XPNPEP3: variants seen among roughly 807,000 people sequenced by gnomAD.
XPNPEP3 encodes the protein X-prolyl aminopeptidase 3.
Under a neutral mutation model 60.0 loss-of-function variants are expected in XPNPEP3, and 41 were observed. That is an observed-to-expected ratio of 0.68 (90% CI 0.53 to 0.89). The LOEUF is 0.89. Among genes scored for constraint, XPNPEP3 ranks in the 40% least tolerant of loss-of-function variants. The pLI is 0.00. For missense variants in XPNPEP3, 598 were observed against 638.9 expected (o/e 0.94, Z 0.69); for synonymous variants, 212 against 223.2 (o/e 0.95, Z 0.45).
At chr22:40,924,141 C>T (rs976932638) in intron 8 of XPNPEP3, among the ~76,000 whole-genome samples, 2 of 151,904 alleles carry the variant, frequency 1.3e-5, no homozygotes, top group Non-Finnish European at 2.9e-5. Flanking sequence ...TATTAAATAG[C>T]GGGAATGGAA....
At chr22:40,912,043 C>G (rs764734714) in intron 6 of XPNPEP3, among the ~76,000 whole-genome samples, 6 of 152,090 alleles carry the variant, frequency 3.9e-5, no homozygotes, top group Admixed American at 2.6e-4. Flanking sequence ...TTAGAAAATG[C>G]AAACAGTGCC....
intron 7 of XPNPEP3, among the ~76,000 whole-genome samples, chr22:40,918,334 A>G (rs2058204005): frequency 6.6e-6 from 1 of 152,190 alleles, no homozygotes; most frequent in African/African-American, 2.4e-5. Flanking sequence ...TGATCACATC[A>G]CTGTGCTCTA....
At chr22:40,890,504 A>C (rs1025527605) in intron 4 of XPNPEP3, among the ~76,000 whole-genome samples, 3 of 152,198 alleles carry the variant, frequency 2.0e-5, no homozygotes, top group Non-Finnish European at 4.4e-5. Flanking sequence ...GTGCCACTGC[A>C]CTCCAGCCTG....
intron 4 of XPNPEP3, among the ~76,000 whole-genome samples, chr22:40,889,941 C>T (rs1318084724): frequency 2.6e-5 from 4 of 152,192 alleles, no homozygotes; most frequent in Non-Finnish European, 4.4e-5. Context: ...TTTGTACGAA[C>T]TGTACAGTCC....
intron 4 of XPNPEP3, among the ~76,000 whole-genome samples, chr22:40,897,818 G>A (rs1391542372): frequency 6.6e-6 from 1 of 151,964 alleles, no homozygotes; most frequent in Non-Finnish European, 1.5e-5. Context: ...GTTTTTATTT[G>A]CATTTCATTA....
rs1044106273 is a variant in XPNPEP3 at position 40,893,934 on chromosome 22, C to T, written c.792+7419C>T. Among the ~76,000 whole-genome samples the T allele has an allele frequency of 3.9e-5, 6 of 152,228 alleles. 1 individual carries two copies. The highest frequency in any genetic ancestry group is 3.9e-4 in the Admixed American group (6 of 15,290). ...CCCAGCAGCTGTCCCATTTCTTCAT[C>T]CATTTTGAGGACATATGTCACTCCT... is the stretch of plus-strand genomic sequence containing the variant. On this transcript the variant is annotated intron_variant, in intron 4 of 9. Transcript: ENST00000357137.
chr22:40,884,424 G>A (rs1026413618), intron 3 of XPNPEP3, among the ~76,000 whole-genome samples: 1 of 151,118 alleles, frequency 6.6e-6, no homozygotes, highest in African/African-American at 2.4e-5. Flanking sequence ...CTGCCTCCCA[G>A]GTTCAAGTAA....
chr22:40,861,117 T>C, intron 1 of XPNPEP3: 1 of 1,611,376 alleles, frequency 6.2e-7, no homozygotes, highest in East Asian at 2.2e-5. Context: ...CTTCTTTTTT[T>C]TCCTCTTACC....
intron 7 of XPNPEP3, among the ~76,000 whole-genome samples, chr22:40,921,275 G>A (rs2058215617): frequency 6.6e-6 from 1 of 152,006 alleles, no homozygotes; most frequent in Non-Finnish European, 1.5e-5. Context: ...GGGGTGGAAG[G>A]GCCACTTCTG....
At chr22:40,860,344 C>T (rs895316437) in intron 1 of XPNPEP3, 1 of 161,274 alleles carries the variant, frequency 6.2e-6, no homozygotes, top group Non-Finnish European at 1.4e-5. Flanking sequence ...TCCCAAGATG[C>T]TAGGATTACA....
chr22:40,899,047 T>A (rs542864862), intron 4 of XPNPEP3, among the ~76,000 whole-genome samples: 1 of 152,340 alleles, frequency 6.6e-6, no homozygotes, highest in South Asian at 2.1e-4. Flanking sequence ...TGTTCTTTGA[T>A]CTAAAATTCT....
rs2058247755 is a variant in XPNPEP3, at chr22:40,929,607, G to A, written c.*3172G>A. The stretch of plus-strand genomic sequence containing the variant: ...TAGATTCCAGTCAAGTTCTATAGGT[G>A]TTATTGGTAGGCAGAAAGGCTGTTG... On this transcript the variant is annotated 3_prime_UTR_variant, in exon 10 of 10. Coordinates refer to ENST00000357137, the MANE Select transcript of XPNPEP3 (RefSeq NM_022098.4). 1.3e-5 allele frequency: 2 copies of A among 152,308 alleles called. No homozygotes were observed. Among genetic ancestry groups the A allele is most frequent in the Non-Finnish European group, 1.5e-5 (1 of 68,036 alleles). The allele number at this position is 152,308 out of a possible 1,614,324, so 9.4% of individuals were successfully genotyped here.
chr22:40,919,116 A>T (rs987608804), intron 7 of XPNPEP3, among the ~76,000 whole-genome samples: 7 of 152,284 alleles, frequency 4.6e-5, no homozygotes, highest in Middle Eastern at 3.4e-3. Flanking sequence ...AAAATTTTTT[A>T]AATTTTTAAA....
intron 4 of XPNPEP3, among the ~76,000 whole-genome samples, chr22:40,891,421 G>A (rs916496912): frequency 3.3e-5 from 5 of 151,980 alleles, no homozygotes; most frequent in Non-Finnish European, 5.9e-5. Flanking sequence ...TTGGGAAGCC[G>A]AGGCGGGCGG....
At chr22:40,910,489 G>A (rs572906370) in intron 6 of XPNPEP3, among the ~76,000 whole-genome samples, 3 of 151,936 alleles carry the variant, frequency 2.0e-5, no homozygotes, top group Non-Finnish European at 4.4e-5. Context: ...CAGATCCCTT[G>A]AATGCAGGAG....
intron 3 of XPNPEP3, among the ~76,000 whole-genome samples, chr22:40,882,974 GC>G (rs1318951938): frequency 3.1e-4 from 47 of 152,286 alleles, no homozygotes; most frequent in African/African-American, 1.1e-3. Context: ...CTGTAGTCCA[GC>G]TACTGGAGAG....
At chr22:40,896,920 CT>C (rs2058110523) in intron 4 of XPNPEP3, among the ~76,000 whole-genome samples, 1 of 147,754 alleles carries the variant, frequency 6.8e-6, no homozygotes, top group Non-Finnish European at 1.5e-5. Context: ...AACTGGCTTA[CT>C]TCACTTAGTA....
At position 40,926,453 on chromosome 22, in the gene XPNPEP3, A is replaced by G; in HGVS notation, c.*18A>G. 6.2e-7 allele frequency: 1 copy of G among 1,613,868 alleles called. No homozygotes were observed. Among genetic ancestry groups the G allele is most frequent in the Non-Finnish European group, 8.5e-7 (1 of 1,179,976 alleles). ...CTTCTTGACCTTCACTGCGGCCCAC[A>G]TGCACCTCAGGTTCAAAATGGGTGT... On this transcript the variant is annotated 3_prime_UTR_variant, in exon 10 of 10. Transcript: ENST00000357137.
chr22:40,909,252 C>G lies in XPNPEP3; in HGVS notation c.969+17C>G. On this transcript the variant is annotated intron_variant, in intron 6 of 9. Coordinates refer to ENST00000357137, the MANE Select transcript of XPNPEP3 (RefSeq NM_022098.4). The stretch of plus-strand genomic sequence containing the variant: ...CTCATCAAGGTACGTGAGATGCCCT[C>G]AGTGCTACTCCCACTAGGTCCAGAT... 6.3e-7 allele frequency: 1 copy of G among 1,593,830 alleles called. No individual in the cohort carries two copies. The highest frequency in any genetic ancestry group is 1.3e-5 in the African/African-American group (1 of 74,700).
Sources: allele counts gnomAD v4.1 joint callset (sites outside exome capture counted in the v4.1 genomes callset), GRCh38; gene constraint gnomAD v4.1.1; transcripts MANE v1.5; gene names NCBI Gene and HGNC (gene_info 2026-07-23, HGNC 2026-07-21).